The following NLGN1 variants were observed in gnomAD, a reference collection of about 807,000 sequenced individuals.
NLGN1 encodes neuroligin 1.
In NLGN1, 12 loss-of-function variants were observed where a neutral mutation model predicts 65.5. That is an observed-to-expected ratio of 0.18 (90% CI 0.12 to 0.30). NLGN1 has a LOEUF of 0.30. Among genes scored for constraint, NLGN1 ranks in the 10% least tolerant of loss-of-function variants. NLGN1 has a pLI of 1.00. For synonymous variants in NLGN1, 350 were observed against 359.5 expected (o/e 0.97, Z 0.30); for missense variants, 750 against 1,007.1 (o/e 0.74, Z 3.46).
intron 1 of NLGN1, among the ~76,000 whole-genome samples, chr3:173,411,571 A>C (rs1325157896): frequency 6.6e-6 from 1 of 152,194 alleles, no homozygotes; most frequent in Non-Finnish European, 1.5e-5. Flanking sequence ...TTAGGCAACA[A>C]GAATGGGGGA....
At chr3:173,984,840 G>GT (rs1719546080) in intron 4 of NLGN1, among the ~76,000 whole-genome samples, 1 of 152,062 alleles carries the variant, frequency 6.6e-6, no homozygotes, top group Non-Finnish European at 1.5e-5. Context: ...TCAGGAGTTC[G>GT]AGACCAGCCT....
intron 4 of NLGN1, among the ~76,000 whole-genome samples, chr3:173,965,214 A>C (rs561098722): frequency 6.6e-6 from 1 of 152,052 alleles, no homozygotes; most frequent in Admixed American, 6.6e-5. Flanking sequence ...AAATCTAAGA[A>C]CTCCAGTTAC....
At chr3:173,445,095 C>T (rs1294549460) in intron 2 of NLGN1, among the ~76,000 whole-genome samples, 1 of 151,204 alleles carries the variant, frequency 6.6e-6, no homozygotes, top group Non-Finnish European at 1.5e-5. Context: ...GGTGAAACCC[C>T]GTCTCTACTA....
intron 4 of NLGN1, among the ~76,000 whole-genome samples, chr3:174,107,110 C>T (rs537087390): frequency 6.6e-6 from 1 of 150,388 alleles, no homozygotes; most frequent in East Asian, 2.0e-4. Context: ...ATAAAGTTAA[C>T]CATCAAAGGT....
chr3:173,905,492 C>A (rs986823347), intron 4 of NLGN1, among the ~76,000 whole-genome samples: 1 of 152,158 alleles, frequency 6.6e-6, no homozygotes, highest in Non-Finnish European at 1.5e-5. Context: ...GGCATGCATT[C>A]CTGACATTTC....
chr3:174,055,322 T>C (rs893163298), intron 4 of NLGN1, among the ~76,000 whole-genome samples: 1 of 151,784 alleles, frequency 6.6e-6, no homozygotes. Context: ...ACTGGGAAAG[T>C]TGTCGCTGAA....
Position 173,926,506 on chromosome 3 carries a change from T to C in NLGN1, c.646+118674T>C, listed in dbSNP as rs537882340. Reference sequence around the variant, plus strand: ...ACTTCCCACTAAATTCTGAGAATAATCTGCTTCCAACAAACCTACCGGTGT... The same window carrying C: ...ACTTCCCACTAAATTCTGAGAATAACCTGCTTCCAACAAACCTACCGGTGT... On this transcript the variant is annotated intron_variant, in intron 4 of 6. Coordinates refer to ENST00000457714, the Ensembl canonical transcript of NLGN1. Among the ~76,000 whole-genome samples, 6 of 152,322 alleles carry C rather than the reference T, an allele frequency of 3.9e-5. No homozygotes were observed. The East Asian group carries it at 9.7e-4, about 25-fold the overall frequency.
At chr3:173,843,278 C>A (rs2150689073) in intron 4 of NLGN1, among the ~76,000 whole-genome samples, 1 of 152,340 alleles carries the variant, frequency 6.6e-6, no homozygotes, top group Non-Finnish European at 1.5e-5. Flanking sequence ...ATGGGAGGGG[C>A]TGCCATGAAG....
intron 4 of NLGN1, among the ~76,000 whole-genome samples, chr3:174,063,133 A>G (rs1426649379): frequency 1.3e-5 from 2 of 152,300 alleles, no homozygotes; most frequent in East Asian, 3.9e-4. Flanking sequence ...ATACATAGAA[A>G]CAATAATATG....
At chr3:173,786,628 G>A (rs1290295853) in intron 3 of NLGN1, among the ~76,000 whole-genome samples, 1 of 152,048 alleles carries the variant, frequency 6.6e-6, no homozygotes, top group Admixed American at 6.5e-5. Context: ...CTACTGCCGT[G>A]CTTAATAGTA....
chr3:174,193,744 C>T (rs966921636), intron 4 of NLGN1, among the ~76,000 whole-genome samples: 1 of 152,172 alleles, frequency 6.6e-6, no homozygotes. Context: ...ATCCATCTCT[C>T]ATTCCTGAAA....
At chr3:173,919,065 C>T (rs149844286) in intron 4 of NLGN1, among the ~76,000 whole-genome samples, 1 of 152,280 alleles carries the variant, frequency 6.6e-6, no homozygotes, top group Non-Finnish European at 1.5e-5. Context: ...TCTCCTACCT[C>T]TCTCCTTTTC....
chr3:173,775,412 A>G (rs1291056160), intron 3 of NLGN1, among the ~76,000 whole-genome samples: 6 of 151,532 alleles, frequency 4.0e-5, no homozygotes, highest in Non-Finnish European at 8.8e-5. Context: ...ACAGACCTGA[A>G]TTTGAACCCT....
At chr3:173,413,601 A>AAAATG (rs1713059370) in intron 1 of NLGN1, among the ~76,000 whole-genome samples, 2 of 46,428 alleles carry the variant, frequency 4.3e-5, no homozygotes, top group African/African-American at 5.1e-4. Context: ...CTCCATCTCA[A>AAAATG]AAATAAAATT....
At chr3:173,485,536 G>T (rs1284892125) in intron 2 of NLGN1, among the ~76,000 whole-genome samples, 2 of 152,166 alleles carry the variant, frequency 1.3e-5, no homozygotes, top group African/African-American at 4.8e-5. Context: ...AAGAAAAATT[G>T]CCATGTTTAA....
At chr3:174,216,356 ACTT>A (rs1737596795) in intron 4 of NLGN1, among the ~76,000 whole-genome samples, 1 of 152,140 alleles carries the variant, frequency 6.6e-6, no homozygotes, top group Admixed American at 6.6e-5. Flanking sequence ...ACATATGGTG[ACTT>A]CTTGTCATGA....
At chr3:173,976,341 A>G (rs150411890) in intron 4 of NLGN1, among the ~76,000 whole-genome samples, 358 of 152,210 alleles carry the variant, frequency 2.4e-3, no homozygotes, top group Non-Finnish European at 3.5e-3. Context: ...GGGGAGTACA[A>G]CAATGAATGT....
chr3:174,044,566 TCCTCACCTC>T (rs1733096380), intron 4 of NLGN1, among the ~76,000 whole-genome samples: 1 of 152,114 alleles, frequency 6.6e-6, no homozygotes, highest in Non-Finnish European at 1.5e-5. Context: ...CTCAGTAAGT[TCCTCACCTC>T]CATCCGAGAC....
chr3:174,272,546 G>C (rs1327172055), intron 4 of NLGN1, among the ~76,000 whole-genome samples: 2 of 151,634 alleles, frequency 1.3e-5, no homozygotes, highest in Non-Finnish European at 3.0e-5. Context: ...TGCTTGGTCA[G>C]TTGGCCTTAA....
Sources: allele counts gnomAD v4.1 joint callset (sites outside exome capture counted in the v4.1 genomes callset), GRCh38; gene constraint gnomAD v4.1.1; transcripts MANE v1.5; gene names NCBI Gene and HGNC (gene_info 2026-07-23, HGNC 2026-07-21).